Variants in GABRP observed in about 807,000 individuals in gnomAD.
The protein encoded by GABRP is gamma-aminobutyric acid type A receptor subunit pi.
In GABRP, 52 loss-of-function variants were observed where a neutral mutation model predicts 47.8. The observed-to-expected ratio is 1.09, with a 90% CI of 0.87 to 1.37. The LOEUF is 1.37. Ranked by LOEUF, GABRP falls within the 40% of genes most tolerant of loss-of-function variation. The pLI is 0.00. For synonymous variants in GABRP, 221 were observed against 205.8 expected (o/e 1.07, Z -0.63); for missense variants, 525 against 542.8 (o/e 0.97, Z 0.33).
intron 6 of GABRP, among the ~76,000 whole-genome samples, chr5:170,798,761 CTTTAT>C (rs1765506005): frequency 1.3e-5 from 2 of 150,410 alleles, no homozygotes; most frequent in Admixed American, 6.6e-5. Flanking sequence ...ATCACAAAGA[CTTTAT>C]TTTATTTCTT....
At chr5:170,795,002 G>C (rs111308834) in intron 4 of GABRP, among the ~76,000 whole-genome samples, 1 of 146,440 alleles carries the variant, frequency 6.8e-6, no homozygotes, top group Non-Finnish European at 1.5e-5. Flanking sequence ...CCAAGACTGG[G>C]GTAACTGGAG....
chr5:170,808,497 A>G (rs1561815565), intron 7 of GABRP, 103 bp from the exon 8 acceptor site: 1 of 961,534 alleles, frequency 1.0e-6, no homozygotes. Context: ...CCAGATTTAG[A>G]TCAATGACAG....
At chr5:170,801,263 G>T (rs79978467) in intron 6 of GABRP, among the ~76,000 whole-genome samples, 2,145 of 152,262 alleles carry the variant, frequency 0.014, 52 homozygotes, top group African/African-American at 0.05. Flanking sequence ...TGTTCCAGTG[G>T]CTTGTTTGTG....
At chr5:170,784,358 G>A (rs867268258) in intron 1 of GABRP, among the ~76,000 whole-genome samples, 14 of 152,278 alleles carry the variant, frequency 9.2e-5, no homozygotes, top group Middle Eastern at 3.4e-3. Context: ...AGAAACGGTA[G>A]TAGAAACTTG....
chr5:170,795,173 C>A, intron 4 of GABRP, 35 bp from the exon 5 acceptor site: 2 of 1,491,168 alleles, frequency 1.3e-6, no homozygotes, highest in Admixed American at 1.7e-5. Flanking sequence ...ACCCACTACC[C>A]CCATCCATTT....
chr5:170,784,354 G>A (rs566103750), intron 1 of GABRP, among the ~76,000 whole-genome samples: 4 of 151,932 alleles, frequency 2.6e-5, no homozygotes, highest in Non-Finnish European at 4.4e-5. Context: ...GAGTAGAAAC[G>A]GTAGTAGAAA....
rs201620839 is a variant in GABRP, at chr5:170,809,546, C to T, written c.833-22C>T. The T allele has an allele frequency of 5.6e-6, 9 of 1,612,056 alleles. No homozygotes were observed. In the East Asian group the frequency reaches 1.8e-4, roughly 32 times the overall value. On this transcript the variant is annotated intron_variant, in intron 8 of 9. Coordinates refer to ENST00000265294, the MANE Select transcript of GABRP (RefSeq NM_014211.3). ...GGACTAACCAGTCACTTTGTAGGAA[C>T]ATCCCCTGCCTGTTTTCCCAGGAGT... is the stretch of plus-strand genomic sequence containing the variant.
At chr5:170,809,528 CCAGT>C in intron 8 of GABRP, 36 bp from the exon 9 acceptor site, 1 of 1,601,530 alleles carries the variant, frequency 6.2e-7, no homozygotes, top group Middle Eastern at 2.1e-4. Flanking sequence ...GGAGGACTAA[CCAGT>C]CACTTTGTAG....
In GABRP at chr5:170,795,510, A is replaced by C. The variant is rs1765403690; in HGVS notation, c.458+85A>C. On this transcript the variant is annotated intron_variant, in intron 5 of 9. Coordinates refer to ENST00000265294, the MANE Select transcript of GABRP (RefSeq NM_014211.3). ...TGTGTCTTGGGTAGTTGTGACCAGA[A>C]CTCAAATAGCCACTGTGAGGTCCCA... is the stretch of plus-strand genomic sequence containing the variant. The C allele has an allele frequency of 4.6e-6, 5 of 1,083,538 alleles. No individual in the cohort carries two copies. In the Admixed American group the frequency reaches 7.1e-5, roughly 15 times the overall value. 67.1% of individuals were successfully genotyped at this position (1,083,538 alleles called of 1,614,324 possible).
chr5:170,804,129 A>G (rs1337956820), intron 6 of GABRP, among the ~76,000 whole-genome samples: 1 of 151,870 alleles, frequency 6.6e-6, no homozygotes, highest in Non-Finnish European at 1.5e-5. Flanking sequence ...CACACATGTT[A>G]TGGCTTGCAT....
At chr5:170,795,489 T>A in intron 5 of GABRP, 64 bp downstream of exon 5, 5 of 1,343,716 alleles carry the variant, frequency 3.7e-6, no homozygotes, top group Non-Finnish European at 5.3e-6. Flanking sequence ...TGCAGATGTG[T>A]CTTGGGTAGT....
chr5:170,794,662 G>C (rs149696080), intron 4 of GABRP, among the ~76,000 whole-genome samples: 1 of 152,208 alleles, frequency 6.6e-6, no homozygotes, highest in East Asian at 1.9e-4. Context: ...CCATTACATG[G>C]TCTTTTATAA....
intron 5 of GABRP, among the ~76,000 whole-genome samples, 160 bp from the exon 6 acceptor site, chr5:170,797,306 T>C (rs1765457421): frequency 6.6e-6 from 1 of 151,710 alleles, no homozygotes; most frequent in Admixed American, 6.5e-5. Flanking sequence ...CACACATTCT[T>C]TAGCACCCAG....
Position 170,797,528 on chromosome 5 carries a change from G to A in GABRP, c.521G>A (p.Cys174Tyr), listed in dbSNP as rs1272869826. Residue 174 changes from cysteine to tyrosine, a missense_variant, in exon 6 of 10, where the codon TGC becomes TAC. Physicochemically the swap from Cys to Tyr is radical, Grantham distance 194. Coordinates refer to ENST00000265294, the MANE Select transcript of GABRP (RefSeq NM_014211.3). ...AAATACCCCATGGACACACAGACAT[G>A]CAAGTTGCAGCTGGAAAGCTGTAAG... Reference protein sequence around the residue: ...LSKYPMDTQTCKLQLESWGYD... With the variant: ...LSKYPMDTQTYKLQLESWGYD... 2 of 1,609,972 alleles carry A rather than the reference G, an allele frequency of 1.2e-6. No individual in the cohort carries two copies. The highest frequency in any genetic ancestry group is 1.3e-5 in the African/African-American group (1 of 74,804).
chr5:170,809,667 G>A lies in GABRP; in HGVS notation c.932G>A (p.Gly311Glu). The A allele has an allele frequency of 1.9e-6, 3 of 1,614,070 alleles. No homozygotes were observed. The highest frequency in any genetic ancestry group is 2.5e-6 in the Non-Finnish European group (3 of 1,180,004). ...CFIKAIDVYL[G>E]ICFSFVFGAL... ...ATCAAGGCCATCGATGTGTACCTGG[G>A]GATCTGCTTTAGCTTTGTGTTTGGG... The change falls in exon 9 of 10, where the codon GGG (glycine) becomes GAG (glutamate). Residue 311 changes from glycine (G) to glutamate (E), a missense_variant. By Grantham distance (98) the Gly-to-Glu change is moderately conservative. Transcript: ENST00000265294.
At chr5:170,789,686 C>A (rs775027759) in intron 3 of GABRP, among the ~76,000 whole-genome samples, 3 of 152,090 alleles carry the variant, frequency 2.0e-5, no homozygotes, top group African/African-American at 7.2e-5. Context: ...CCAGCATGCT[C>A]GCGTAGAGTC....
chr5:170,791,835 G>A (rs1220880358), intron 3 of GABRP, among the ~76,000 whole-genome samples: 1 of 152,242 alleles, frequency 6.6e-6, no homozygotes, highest in Non-Finnish European at 1.5e-5. Flanking sequence ...CTGAGGCTGA[G>A]TATTTATAAT....
Position 170,788,873 on chromosome 5 carries a change from C to T in GABRP, c.53+205C>T, listed in dbSNP as rs1421793612. ...CCAATATGGTCATAGATGAATGAAC[C>T]CTTATGTTTTTAAAGAAGAGACTTG... is the stretch of plus-strand genomic sequence containing the variant. On this transcript the variant is annotated intron_variant, in intron 2 of 9. Coordinates refer to ENST00000265294, the MANE Select transcript of GABRP (RefSeq NM_014211.3). 2.0e-5 allele frequency among the ~76,000 whole-genome samples: 3 copies of T among 152,144 alleles called. No individual in the cohort carries two copies. The East Asian group carries it at 5.8e-4, about 29-fold the overall frequency.
chr5:170,795,428 A>G lies in GABRP; in HGVS notation c.458+3A>G, dbSNP rs1765401455. On this transcript the variant is annotated splice_donor_region_variant and intron_variant, in intron 5 of 9. Transcript: ENST00000265294. ...GGCACGGTCCTGTATGCCCTCAGGT[A>G]CGCGGACACCTGTGACCTCAGGGGT... 1 of 1,612,808 alleles carries G rather than the reference A, an allele frequency of 6.2e-7. No homozygotes were observed. Among genetic ancestry groups the G allele is most frequent in the South Asian group, 1.1e-5 (1 of 91,032 alleles).
Sources: gnomAD v4.1 joint callset for allele counts (sites outside exome capture counted in the v4.1 genomes callset) on GRCh38, gnomAD v4.1.1 for gene constraint, MANE v1.5 for transcripts, NCBI Gene and HGNC (gene_info 2026-07-23, HGNC 2026-07-21) for gene names.